TRPM8: variants seen among roughly 807,000 people sequenced by gnomAD.
TRPM8 encodes transient receptor potential cation channel subfamily M member 8, also known as TRPM8 cationic channel.
TRPM8 carries 110 observed loss-of-function variants against 133.7 expected under a neutral mutation model. The ratio of observed to expected loss-of-function variants is 0.82; its 90% CI spans 0.70 to 0.96. The LOEUF (loss-of-function observed/expected upper bound fraction) is 0.96, where lower values mean the gene tolerates loss of function less well. Among genes scored for constraint, TRPM8 ranks in the 40% least tolerant of loss-of-function variants. TRPM8 has a pLI of 0.00. For synonymous variants in TRPM8, 535 were observed against 532.3 expected, an observed-to-expected ratio of 1.01 and a Z score of -0.07; for missense variants, 1,291 against 1,379.5, an observed-to-expected ratio of 0.94 and a Z score of 1.02.
At chr2:233,992,942 A>C (rs1692316674) in intron 21 of TRPM8, among the ~76,000 whole-genome samples, 1 of 152,118 alleles carries the variant, frequency 6.6e-6, no homozygotes, top group Non-Finnish European at 1.5e-5. Flanking sequence ...GAATATAAAC[A>C]TTGTTTTAGG....
intron 3 of TRPM8, among the ~76,000 whole-genome samples, chr2:233,936,872 T>C (rs984838029): frequency 1.3e-5 from 2 of 150,314 alleles, no homozygotes; most frequent in Non-Finnish European, 3.0e-5. Context: ...AACATCAAAC[T>C]AGTTTCTTTC....
At chr2:233,993,185 A>G (rs1394211165) in intron 21 of TRPM8, among the ~76,000 whole-genome samples, 2 of 152,132 alleles carry the variant, frequency 1.3e-5, no homozygotes, top group Non-Finnish European at 2.9e-5. Flanking sequence ...TGGTTCATTC[A>G]CACCCCCTGG....
At chr2:233,970,448 G>A (rs756605850) in intron 17 of TRPM8, 22 bp downstream of exon 17, 2 of 1,608,182 alleles carry the variant, frequency 1.2e-6, no homozygotes, top group East Asian at 4.5e-5. Flanking sequence ...ATGACAGCAG[G>A]AACCCCCTCG....
chr2:234,006,118 A>G (rs539417952), intron 22 of TRPM8, among the ~76,000 whole-genome samples: 32 of 152,346 alleles, frequency 2.1e-4, no homozygotes, highest in African/African-American at 7.0e-4. Context: ...TAAAAACAAC[A>G]TAATTTTATT....
chr2:233,978,326 G>A (rs1271107162), intron 17 of TRPM8, among the ~76,000 whole-genome samples: 1 of 151,484 alleles, frequency 6.6e-6, no homozygotes, highest in East Asian at 1.9e-4. Flanking sequence ...CTCAAGCTAT[G>A]TTAATAAACT....
intron 6 of TRPM8, among the ~76,000 whole-genome samples, chr2:233,943,581 C>T (rs984756090): frequency 3.3e-5 from 5 of 152,146 alleles, no homozygotes; most frequent in Non-Finnish European, 5.9e-5. Flanking sequence ...TGGATATTGT[C>T]CTTGGTTAAA....
intron 23 of TRPM8, 59 bp from the exon 24 acceptor site, chr2:234,008,011 A>T: frequency 6.4e-6 from 9 of 1,413,954 alleles, no homozygotes; most frequent in South Asian, 1.2e-5. Flanking sequence ...GGAGCCTAAT[A>T]GCCCTCTCTC....
intron 3 of TRPM8, among the ~76,000 whole-genome samples, chr2:233,934,990 A>G (rs148718161): frequency 2.5e-4 from 38 of 152,360 alleles, no homozygotes; most frequent in Admixed American, 8.5e-4. Context: ...AGTAAAGAAG[A>G]TCTTGAAAAC....
rs1559516800 is a variant in TRPM8 at position 233,927,962 on chromosome 2, T to TCTCTCTCTCTC, written c.117+1308_117+1309insCTCTCTCTCTC. Reference sequence around the variant, plus strand: ...TCTCTCTCTCTCTCTCTCTCTCTCTTTCTTTCTTTCTTTCTTTTTTTTTTT... The same window carrying TCTCTCTCTCTC: ...TCTCTCTCTCTCTCTCTCTCTCTCTTCTCTCTCTCTCTCTTTCTTTCTTTCTTTTTTTTTTT... On this transcript the variant is annotated intron_variant, in intron 2 of 25. Transcript: ENST00000324695. 1.9e-3 allele frequency among the ~76,000 whole-genome samples: 59 copies of TCTCTCTCTCTC among 31,404 alleles called. 2 individuals carry two copies. The highest frequency in any genetic ancestry group is 3.6e-3 in the Admixed American group (9 of 2,508). 20.6% of individuals were successfully genotyped at this position (31,404 alleles called of 152,430 possible). A position where few individuals can be genotyped will look rare whatever the true frequency, so the allele number is the denominator to read the frequency against.
At chr2:233,927,779 TTTCTTTCTTTCTTTTC>T (rs1691564861) in intron 2 of TRPM8, among the ~76,000 whole-genome samples, 1 of 41,342 alleles carries the variant, frequency 2.4e-5, no homozygotes. Context: ...TCTTTCTTTC[TTTCTTTCTTTCTTTTC>T]TTTCCTTCCT....
At chr2:233,935,306 C>T (rs1346749155) in intron 3 of TRPM8, among the ~76,000 whole-genome samples, 2 of 152,160 alleles carry the variant, frequency 1.3e-5, no homozygotes, top group African/African-American at 4.8e-5. Context: ...CCAGAGTCAC[C>T]ATGTATGGTT....
intron 14 of TRPM8, among the ~76,000 whole-genome samples, chr2:233,965,323 C>T (rs1258137022): frequency 1.3e-5 from 2 of 152,148 alleles, no homozygotes; most frequent in Non-Finnish European, 2.9e-5. Context: ...ACATGCTGAG[C>T]TTCTATCAGG....
At chr2:233,987,083 C>G (rs1692164601) in intron 21 of TRPM8, among the ~76,000 whole-genome samples, 2 of 152,154 alleles carry the variant, frequency 1.3e-5, no homozygotes, top group South Asian at 4.2e-4. Context: ...TGTCGGAACT[C>G]TCTCACATCT....
intron 6 of TRPM8, among the ~76,000 whole-genome samples, chr2:233,945,148 A>G (rs1328469427): frequency 1.3e-5 from 2 of 152,184 alleles, no homozygotes; most frequent in African/African-American, 4.8e-5. Context: ...ATTAAATTCT[A>G]TGTTTGGAGT....
intron 19 of TRPM8, 67 bp downstream of exon 19, chr2:233,981,982 TAGG>T (rs1692021690): frequency 4.7e-6 from 7 of 1,487,838 alleles, no homozygotes; most frequent in South Asian, 1.4e-5. Flanking sequence ...TAATGGTCGA[TAGG>T]AGGATTTTGT....
In TRPM8 at chr2:234,008,241, C is replaced by T. The variant is rs1306380016; in HGVS notation, c.3264+138C>T. The stretch of plus-strand genomic sequence containing the variant: ...TAATTCACTGTCTAAGAGCAGGGTG[C>T]TGGAATGGTATTGCTTCTCATGCTC... On this transcript the variant is annotated intron_variant, in intron 24 of 25. Coordinates refer to ENST00000324695, the MANE Select transcript of TRPM8 (RefSeq NM_024080.5). The T allele has an allele frequency of 2.9e-5, 25 of 856,468 alleles. 1 individual carries two copies. In the South Asian group the frequency reaches 4.5e-4, roughly 15 times the overall value. The allele number at this position is 856,468 out of a possible 1,614,324, so 53.1% of individuals were successfully genotyped here.
chr2:233,979,544 G>A (rs1020836613), intron 17 of TRPM8, among the ~76,000 whole-genome samples: 1 of 150,288 alleles, frequency 6.7e-6, no homozygotes, highest in African/African-American at 2.4e-5. Context: ...GGGAAAATGC[G>A]AAAAGAGAAA....
At chr2:233,980,931 T>C (rs1424600205) in intron 18 of TRPM8, among the ~76,000 whole-genome samples, 1 of 150,626 alleles carries the variant, frequency 6.6e-6, no homozygotes, top group Non-Finnish European at 1.5e-5. Context: ...AGCTAGCAAC[T>C]GGGCATGGTG....
intron 24 of TRPM8, among the ~76,000 whole-genome samples, chr2:234,009,664 T>C (rs745372869): frequency 4.6e-5 from 7 of 152,172 alleles, no homozygotes; most frequent in Non-Finnish European, 1.0e-4. Context: ...CCCCTTGCTC[T>C]GTCTCTTTTT....
Sources: allele counts gnomAD v4.1 joint callset (sites outside exome capture counted in the v4.1 genomes callset), GRCh38; gene constraint gnomAD v4.1.1; transcripts MANE v1.5; gene names NCBI Gene and HGNC (gene_info 2026-07-23, HGNC 2026-07-21).